The following DYNC1LI2 variants were observed in gnomAD, a reference collection of about 807,000 sequenced individuals.
DYNC1LI2 encodes cytoplasmic dynein 1 light intermediate chain 2.
A neutral mutation model predicts 57.8 loss-of-function variants in DYNC1LI2; 19 were observed. The ratio of observed to expected loss-of-function variants is 0.33; its 90% confidence interval spans 0.23 to 0.48. The LOEUF is 0.48. Ranked by LOEUF, DYNC1LI2 falls within the 20% of genes least tolerant of loss-of-function variation. The pLI is 0.99. For missense variants in DYNC1LI2, 470 were observed against 604.2 expected (o/e 0.78, Z 2.33); for synonymous variants, 256 against 233.4 (o/e 1.10, Z -0.88).
At chr16:66,740,993 T>A (rs979259847) in intron 4 of DYNC1LI2, among the ~76,000 whole-genome samples, 5 of 152,160 alleles carry the variant, frequency 3.3e-5, no homozygotes, top group Non-Finnish European at 7.3e-5. Context: ...CAAAATAAAT[T>A]CAGTGTTTCA....
chr16:66,730,356 G>C, intron 7 of DYNC1LI2, 133 bp from the exon 8 acceptor site: 2 of 729,356 alleles, frequency 2.7e-6, no homozygotes, highest in Non-Finnish European at 4.4e-6. Context: ...GTTGTTTGTA[G>C]CTTTTGGCAG....
Position 66,749,218 on chromosome 16 carries a change from C to T in DYNC1LI2, c.277G>A (p.Val93Ile). 6.2e-7 allele frequency: 1 copy of T among 1,614,196 alleles called. No homozygotes were observed. The highest frequency in any genetic ancestry group is 2.2e-5 in the East Asian group (1 of 44,880). ...TCACCATCTCGGTCCTCATCATGGA[C>T]ACTGAGGTAGAGATATTCTAGGCCT... is the stretch of plus-strand genomic sequence containing the variant. ...GRGLEYLYLS[V>I]HDEDRDDHTR... The change falls in exon 3 of 13, where the codon GTC becomes ATC. Residue 93 changes from valine to isoleucine, a missense_variant. Coordinates refer to ENST00000258198, the MANE Select transcript of DYNC1LI2 (RefSeq NM_006141.3).
At chr16:66,744,002 T>C (rs566314504) in intron 3 of DYNC1LI2, among the ~76,000 whole-genome samples, 1 of 152,150 alleles carries the variant, frequency 6.6e-6, no homozygotes, top group Non-Finnish European at 1.5e-5. Flanking sequence ...AATCATCTAG[T>C]GGGGAGTAAA....
chr16:66,747,224 G>A (rs563092422), intron 3 of DYNC1LI2, among the ~76,000 whole-genome samples: 27 of 152,068 alleles, frequency 1.8e-4, no homozygotes, highest in African/African-American at 5.8e-4. Flanking sequence ...GATTACAGGC[G>A]TGCGCCACCA....
chr16:66,730,896 G>A (rs2017623658), intron 7 of DYNC1LI2: 1 of 152,176 alleles, frequency 6.6e-6, no homozygotes, highest in Admixed American at 6.5e-5. Flanking sequence ...ATCCCTTAAA[G>A]GTAGCAATGG....
chr16:66,744,577 C>T (rs2017901521), intron 3 of DYNC1LI2, among the ~76,000 whole-genome samples: 1 of 152,172 alleles, frequency 6.6e-6, no homozygotes, highest in African/African-American at 2.4e-5. Context: ...CTCTATCACC[C>T]AGGCTGGAGT....
intron 11 of DYNC1LI2, among the ~76,000 whole-genome samples, chr16:66,726,154 T>C (rs1413664913): frequency 6.6e-6 from 1 of 152,174 alleles, no homozygotes; most frequent in Non-Finnish European, 1.5e-5. Context: ...TTCCCACTTG[T>C]TTGGGAGCAG....
intron 3 of DYNC1LI2, among the ~76,000 whole-genome samples, chr16:66,743,773 T>C (rs936651041): frequency 5.9e-5 from 9 of 152,284 alleles, no homozygotes; most frequent in African/African-American, 2.2e-4. Flanking sequence ...TCACATACTA[T>C]AAAGGATGCC....
At chr16:66,728,899 G>T (rs2144971859) in intron 9 of DYNC1LI2, 141 bp downstream of exon 9, 1 of 821,838 alleles carries the variant, frequency 1.2e-6, no homozygotes. Flanking sequence ...AATAAGGAGG[G>T]AATGAGGAGA....
intron 3 of DYNC1LI2, among the ~76,000 whole-genome samples, chr16:66,745,519 C>G (rs989712452): frequency 3.4e-5 from 5 of 148,058 alleles, no homozygotes; most frequent in Admixed American, 6.8e-5. Context: ...CTCAAGGGGT[C>G]CGCCCACCTC....
chr16:66,751,228 G>C lies in DYNC1LI2; in HGVS notation c.181+45C>G, dbSNP rs1178708800. 4.4e-6 allele frequency: 7 copies of C among 1,594,086 alleles called. No homozygotes were observed. The highest frequency in any genetic ancestry group is 1.7e-5 in the Admixed American group (1 of 58,254). On this transcript the variant is annotated intron_variant, in intron 2 of 12. Coordinates refer to ENST00000258198, the MANE Select transcript of DYNC1LI2 (RefSeq NM_006141.3). This position sits in a 1 kb window ranked among gnomAD's most constrained non-coding sequence, Gnocchi z 5.2. Reference sequence around the variant, plus strand: ...GACCTGAGGGAGGGGCGCCCGCCTCGCCCACCCCAGCGACCTGGGGCAACG... The same window carrying C: ...GACCTGAGGGAGGGGCGCCCGCCTCCCCCACCCCAGCGACCTGGGGCAACG...
At chr16:66,728,926 C>A in intron 9 of DYNC1LI2, 114 bp downstream of exon 9, 2 of 1,086,828 alleles carry the variant, frequency 1.8e-6, no homozygotes, top group South Asian at 2.5e-5. Flanking sequence ...CTCAACCCCT[C>A]TACCACTGCA....
intron 8 of DYNC1LI2, among the ~76,000 whole-genome samples, chr16:66,729,833 GTGCAGTGGCGCAATCTGGGTTCAC>G (rs2017604293): frequency 6.6e-6 from 1 of 152,008 alleles, no homozygotes; most frequent in Non-Finnish European, 1.5e-5. Context: ...CCAGGTTGGA[GTGCAGTGGCGCAATCTGGGTTCAC>G]TGCAATCTCT....
In DYNC1LI2 at chr16:66,723,554, G is replaced by C. The variant is rs1364757668; in HGVS notation, c.*168C>G. The C allele has an allele frequency of 1.2e-5, 8 of 662,396 alleles. No homozygotes were observed. In the Admixed American group the frequency reaches 2.1e-4, roughly 17 times the overall value. The allele number at this position is 662,396 out of a possible 1,614,324, so 41.0% of individuals were successfully genotyped here. ...GGTCTGACATGTAACCTTCCTAAATGTGCATTTCACACTCGGACAAGCCAA... is the reference window on the plus strand; with the variant it reads ...GGTCTGACATGTAACCTTCCTAAATCTGCATTTCACACTCGGACAAGCCAA... On this transcript the variant is annotated 3_prime_UTR_variant, in exon 13 of 13. Coordinates refer to ENST00000258198, the MANE Select transcript of DYNC1LI2 (RefSeq NM_006141.3).
intron 10 of DYNC1LI2, 111 bp downstream of exon 10, chr16:66,728,090 C>T: frequency 6.9e-7 from 1 of 1,445,192 alleles, no homozygotes; most frequent in Admixed American, 2.1e-5. Flanking sequence ...ACCAAATTCC[C>T]ACTGAAAATA....
intron 6 of DYNC1LI2, chr16:66,733,856 T>C: frequency 4.9e-6 from 1 of 205,374 alleles, no homozygotes; most frequent in South Asian, 7.3e-5. Flanking sequence ...GCAGACTCTG[T>C]CTCAGAAAAA....
At chr16:66,733,926 C>A in intron 6 of DYNC1LI2, 1 of 339,728 alleles carries the variant, frequency 2.9e-6, no homozygotes, top group Middle Eastern at 9.4e-4. Context: ...CTTTCGGAGG[C>A]TGAGGTAGGT....
intron 4 of DYNC1LI2, among the ~76,000 whole-genome samples, chr16:66,741,675 C>A (rs952025784): frequency 6.6e-6 from 1 of 152,038 alleles, no homozygotes; most frequent in Non-Finnish European, 1.5e-5. Context: ...CCGGCCAGGA[C>A]GGCTGCTGCT....
At chr16:66,730,523 A>G (rs1468098325) in intron 7 of DYNC1LI2, 2 of 232,248 alleles carry the variant, frequency 8.6e-6, no homozygotes, top group African/African-American at 4.5e-5. Flanking sequence ...AACTCTGCCT[A>G]GAAGAGCAAG....
Sources: allele counts gnomAD v4.1 joint callset (sites outside exome capture counted in the v4.1 genomes callset), GRCh38; gene constraint gnomAD v4.1.1; non-coding constraint Gnocchi (gnomAD v3.1); transcripts MANE v1.5; gene names NCBI Gene and HGNC (gene_info 2026-07-23, HGNC 2026-07-21).